Variants in SP140 observed in about 807,000 individuals in gnomAD.
The protein encoded by SP140 is SP140 nuclear body protein, also known as nuclear body protein SP140.
SP140 carries 81 observed loss-of-function variants against 125.0 expected under a neutral mutation model. The ratio of observed to expected loss-of-function variants is 0.65; its 90% CI spans 0.54 to 0.78. The LOEUF (loss-of-function observed/expected upper bound fraction) is 0.78. Among genes scored for constraint, SP140 ranks in the 30% least tolerant of loss-of-function variants. The pLI is 0.00. For missense variants in SP140, 858 were observed against 1,037.0 expected, an observed-to-expected ratio of 0.83 and a Z score of 2.37; for synonymous variants, 312 against 354.0, an observed-to-expected ratio of 0.88 and a Z score of 1.33.
chr2:230,245,799 A>G (rs1574979281), intron 6 of SP140, 64 bp from the exon 7 acceptor site: 3 of 1,011,822 alleles, frequency 3.0e-6, no homozygotes, highest in Non-Finnish European at 4.7e-6. Flanking sequence ...AGAGCTCAGC[A>G]TGGATCCAGG....
At chr2:230,204,035 T>C (rs56412815) in intron 1 of SP140, among the ~76,000 whole-genome samples, 19,137 of 151,894 alleles carry the variant, frequency 0.13, 1,343 homozygotes, top group South Asian at 0.27. Flanking sequence ...AATTGGAAAA[T>C]TGGAAAAAAG....
At chr2:230,266,894 A>G (rs550029992) in intron 12 of SP140, among the ~76,000 whole-genome samples, 24 of 152,330 alleles carry the variant, frequency 1.6e-4, no homozygotes, top group African/African-American at 5.8e-4. Context: ...TAAAAGGCTC[A>G]TAAGGTTAAA....
upstream of SP140, chr2:230,200,982 C>A (rs1357788335): frequency 6.3e-7 from 1 of 1,586,370 alleles, no homozygotes; most frequent in East Asian, 2.2e-5. Flanking sequence ...AATGAAAGAT[C>A]TTAGTAAATG....
At chr2:230,251,844 A>G (rs1003068572) in intron 10 of SP140, among the ~76,000 whole-genome samples, 2 of 152,134 alleles carry the variant, frequency 1.3e-5, no homozygotes, top group Non-Finnish European at 2.9e-5. Context: ...AAGTGCTGTT[A>G]TTGTTGTTTT....
At chr2:230,252,232 A>G (rs1018144804) in intron 10 of SP140, among the ~76,000 whole-genome samples, 1 of 152,036 alleles carries the variant, frequency 6.6e-6, no homozygotes, top group Admixed American at 6.6e-5. Flanking sequence ...CAGATGTAGC[A>G]TATCACTGAA....
upstream of SP140, among the ~76,000 whole-genome samples, chr2:230,224,656 G>T (rs1193257201): frequency 2.0e-5 from 3 of 152,190 alleles, no homozygotes; most frequent in African/African-American, 7.2e-5. Context: ...GAAATTTCTT[G>T]CACTCTGTAT....
intron 21 of SP140, among the ~76,000 whole-genome samples, chr2:230,295,119 T>C (rs578196312): frequency 3.3e-5 from 5 of 152,354 alleles, no homozygotes; most frequent in South Asian, 2.1e-4. Flanking sequence ...GTGCAGTGTA[T>C]ATTCAGGACA....
At chr2:230,314,805 C>A (rs2059472622), downstream of SP140, among the ~76,000 whole-genome samples, 1 of 152,196 alleles carries the variant, frequency 6.6e-6, no homozygotes, top group South Asian at 2.1e-4. Context: ...GCTGAGGGGG[C>A]AGCACATCCT....
chr2:230,247,376 G>A (rs1339660097), intron 7 of SP140, among the ~76,000 whole-genome samples: 2 of 152,074 alleles, frequency 1.3e-5, no homozygotes, highest in Admixed American at 6.6e-5. Flanking sequence ...AAACCTAGGA[G>A]CCACTCATGA....
At chr2:230,225,259 GA>G (rs1376733581), upstream of SP140, among the ~76,000 whole-genome samples, 1 of 152,182 alleles carries the variant, frequency 6.6e-6, no homozygotes. Context: ...CCTTTGGCTG[GA>G]GGAGTTGAGA....
chr2:230,189,192 A>T, the SP140 span, among the ~76,000 whole-genome samples: 1 of 150,926 alleles, frequency 6.6e-6, no homozygotes, highest in African/African-American at 2.4e-5. Context: ...TTTTTGTTTC[A>T]ATTTTATTTC....
rs138022036 is a variant in SP140 at position 230,309,272 on chromosome 2, G to A, written c.2059-652G>A. ...CTTGGTCATCAGAGATGGCACCTTC[G>A]CACCTTACAATCCAAGTTAGCTAAG... On this transcript the variant is annotated intron_variant, in intron 22 of 26. Coordinates refer to ENST00000392045, the MANE Select transcript of SP140 (RefSeq NM_007237.5). Among the ~76,000 whole-genome samples, 90 of 152,276 alleles carry A rather than the reference G, an allele frequency of 5.9e-4. No homozygotes were observed. The Middle Eastern group carries it at 0.017, about 29-fold the overall frequency.
intron 12 of SP140, among the ~76,000 whole-genome samples, chr2:230,258,887 A>T (rs149754017): frequency 2.6e-5 from 4 of 151,840 alleles, no homozygotes; most frequent in Non-Finnish European, 4.4e-5. Flanking sequence ...AAATGAGTGC[A>T]GCAAGCTGCA....
At chr2:230,278,839 G>T (rs965034327) in intron 15 of SP140, among the ~76,000 whole-genome samples, 4 of 151,976 alleles carry the variant, frequency 2.6e-5, no homozygotes, top group Non-Finnish European at 4.4e-5. Flanking sequence ...AGTGATGTAA[G>T]TCCTAGTCAG....
At chr2:230,202,624 C>T, upstream of SP140, 1 of 1,614,112 alleles carries the variant, frequency 6.2e-7, no homozygotes, top group Admixed American at 1.7e-5. Flanking sequence ...GCCTTTTGGG[C>T]CCTTGTCTCT....
intron 1 of SP140, chr2:230,209,924 TTCTTACCTTTCTTG>T (rs2044284757): frequency 6.4e-7 from 1 of 1,563,998 alleles, no homozygotes; most frequent in African/African-American, 1.4e-5. Context: ...AGAAAGGCTT[TTCTTACCTTTCTTG>T]TCTGAAGGTG....
Position 230,244,950 on chromosome 2 carries a change from G to A in SP140, c.572-38G>A, listed in dbSNP as rs754530447. 9.7e-6 allele frequency: 14 copies of A among 1,440,854 alleles called. No homozygotes were observed. In the African/African-American group the frequency reaches 2.0e-4, roughly 20 times the overall value. 89.3% of individuals were successfully genotyped at this position (1,440,854 alleles called of 1,614,324 possible). On this transcript the variant is annotated intron_variant, in intron 5 of 26. Coordinates refer to ENST00000392045, the MANE Select transcript of SP140 (RefSeq NM_007237.5). Reference sequence around the variant, plus strand: ...CCAGGATTCAGCAGGAGCATCCTGAGGTCTGTGCTCTCATCACTGTGCCTT... The same window carrying A: ...CCAGGATTCAGCAGGAGCATCCTGAAGTCTGTGCTCTCATCACTGTGCCTT...
At chr2:230,217,151 C>T (rs772256204) in intron 3 of SP140, among the ~76,000 whole-genome samples, 11 of 141,276 alleles carry the variant, frequency 7.8e-5, no homozygotes, top group Admixed American at 2.3e-4. Flanking sequence ...GAGGCTGAGG[C>T]GGGAAAATTG....
chr2:230,305,572 G>T (rs2058678980), intron 22 of SP140, among the ~76,000 whole-genome samples: 1 of 152,266 alleles, frequency 6.6e-6, no homozygotes, highest in Non-Finnish European at 1.5e-5. Flanking sequence ...AGGCCCAGCT[G>T]CCCGTAGGGC....
Sources: gnomAD v4.1 joint callset for allele counts (sites outside exome capture counted in the v4.1 genomes callset) on GRCh38, gnomAD v4.1.1 for gene constraint, MANE v1.5 for transcripts, NCBI Gene and HGNC (gene_info 2026-07-23, HGNC 2026-07-21) for gene names.